The following ARSG variants were observed in gnomAD, a reference collection of about 807,000 sequenced individuals.
ARSG encodes the protein arylsulfatase G.
In ARSG, 37 loss-of-function variants were observed where a neutral mutation model predicts 50.5. The ratio of observed to expected loss-of-function variants is 0.73; its 90% confidence interval spans 0.56 to 0.96. The LOEUF is 0.96. Among genes scored for constraint, ARSG ranks in the 50% least tolerant of loss-of-function variants. The pLI is 0.00. For missense variants in ARSG, 629 were observed against 675.3 expected (o/e 0.93, Z 0.76); for synonymous variants, 225 against 254.6 (o/e 0.88, Z 1.11).
At chr17:68,332,021 A>G (rs7208967) in intron 2 of ARSG, among the ~76,000 whole-genome samples, 61,627 of 152,124 alleles carry the variant, frequency 0.41, 13,237 homozygotes, top group East Asian at 0.57. Flanking sequence ...TTATTAGGAG[A>G]CAGGGTTTGA....
intron 4 of ARSG, among the ~76,000 whole-genome samples, chr17:68,348,756 G>A (rs1380397176): frequency 6.6e-6 from 1 of 152,154 alleles, no homozygotes; most frequent in Non-Finnish European, 1.5e-5. Context: ...TTGGAGAAGA[G>A]ATAGAATGAA....
chr17:68,272,636 T>C (rs1555749342), intron 1 of ARSG: 2 of 1,613,898 alleles, frequency 1.2e-6, no homozygotes, highest in East Asian at 2.2e-5. Flanking sequence ...GTAGTCCACC[T>C]ACCTGGTGCG....
chr17:68,336,722 G>A (rs879258780), intron 2 of ARSG, among the ~76,000 whole-genome samples: 5 of 152,026 alleles, frequency 3.3e-5, no homozygotes, highest in Non-Finnish European at 5.9e-5. Flanking sequence ...GCATGGTGGC[G>A]TGCATCTATA....
upstream of ARSG, chr17:68,291,014 A>G (rs2075967105): frequency 1.3e-5 from 2 of 152,196 alleles, no homozygotes; most frequent in African/African-American, 4.8e-5. Flanking sequence ...AGGCCCCAAC[A>G]CATATTTTTT....
intron 1 of ARSG, among the ~76,000 whole-genome samples, chr17:68,283,295 C>T (rs187349949): frequency 1.3e-4 from 19 of 150,030 alleles, no homozygotes; most frequent in African/African-American, 4.2e-4. Flanking sequence ...CCGAGGCAGG[C>T]GAATCACGAG....
chr17:68,440,828 A>G, the ARSG span: 18 of 152,358 alleles, frequency 1.2e-4, no homozygotes, highest in African/African-American at 3.8e-4. Flanking sequence ...ACTTTAGGTA[A>G]GTTAACAGTG....
intron 1 of ARSG, among the ~76,000 whole-genome samples, chr17:68,272,333 G>A (rs1485955241): frequency 6.6e-6 from 1 of 152,176 alleles, no homozygotes. Context: ...TTTGAAAAAC[G>A]AGAGGACATA....
intron 9 of ARSG, among the ~76,000 whole-genome samples, chr17:68,389,022 G>A (rs2080866881): frequency 6.6e-6 from 1 of 152,212 alleles, no homozygotes; most frequent in Admixed American, 6.5e-5. Flanking sequence ...AGACAGTCAG[G>A]TGTGTGGAAG....
At chr17:68,314,392 G>A (rs1289317511) in intron 2 of ARSG, among the ~76,000 whole-genome samples, 3 of 152,024 alleles carry the variant, frequency 2.0e-5, no homozygotes, top group South Asian at 2.1e-4. Flanking sequence ...CAGGCGTGGC[G>A]GCACATGCTT....
At chr17:68,432,263 C>T in the ARSG span, among the ~76,000 whole-genome samples, 1 of 152,264 alleles carries the variant, frequency 6.6e-6, no homozygotes, top group Admixed American at 6.5e-5. Context: ...AGTCCCATGG[C>T]TGTGATATGT....
chr17:68,406,145 G>C (rs146055515), intron 11 of ARSG, among the ~76,000 whole-genome samples: 115 of 152,192 alleles, frequency 7.6e-4, no homozygotes, highest in African/African-American at 2.6e-3. Context: ...TACGATGTTT[G>C]GTTTTTCATT....
At chr17:68,331,003 G>T (rs533342386) in intron 2 of ARSG, among the ~76,000 whole-genome samples, 1 of 147,368 alleles carries the variant, frequency 6.8e-6, no homozygotes. Context: ...GTGGTGGGCG[G>T]GGACAGAGTG....
At chr17:68,298,624 A>G (rs1489376176) in intron 1 of ARSG, among the ~76,000 whole-genome samples, 2 of 151,080 alleles carry the variant, frequency 1.3e-5, no homozygotes, top group Non-Finnish European at 3.0e-5. Context: ...AAAGAGAAGA[A>G]CACTACTGTA....
At chr17:68,394,467 A>T (rs1029540625) in intron 9 of ARSG, among the ~76,000 whole-genome samples, 1 of 152,106 alleles carries the variant, frequency 6.6e-6, no homozygotes, top group Non-Finnish European at 1.5e-5. Flanking sequence ...ATAAATAAAA[A>T]TCAATAAAAC....
At chr17:68,299,857 TG>T (rs1225493689) in intron 1 of ARSG, among the ~76,000 whole-genome samples, 1 of 152,184 alleles carries the variant, frequency 6.6e-6, no homozygotes, top group Non-Finnish European at 1.5e-5. Context: ...GTTATGGAAT[TG>T]TAGTTATATA....
At chr17:68,440,238 A>G in the ARSG span, among the ~76,000 whole-genome samples, 1 of 152,204 alleles carries the variant, frequency 6.6e-6, no homozygotes, top group African/African-American at 2.4e-5. Flanking sequence ...GGTCCCCAGA[A>G]AAGCCTACTG....
At chr17:68,403,537 A>G (rs1000089183) in intron 11 of ARSG, among the ~76,000 whole-genome samples, 2 of 152,160 alleles carry the variant, frequency 1.3e-5, no homozygotes, top group African/African-American at 4.8e-5. Flanking sequence ...GTTACTTACA[A>G]CTGCTTTTGG....
the ARSG span, among the ~76,000 whole-genome samples, chr17:68,442,929 ATG>A: frequency 2.0e-4 from 31 of 152,280 alleles, no homozygotes; most frequent in African/African-American, 7.2e-4. Flanking sequence ...AGCACAAAGA[ATG>A]TCTGCAATAG....
rs2080257876 is a variant in ARSG at position 68,378,361 on chromosome 17, C to T, written c.983-6703C>T. Among the ~76,000 whole-genome samples, 1 of 152,258 alleles carries T rather than the reference C, an allele frequency of 6.6e-6. No individual in the cohort carries two copies. On this transcript the variant is annotated intron_variant, in intron 8 of 11. Transcript: ENST00000621439. This position sits in a 1 kb window ranked among gnomAD's most constrained non-coding sequence, Gnocchi z 4.4. ...GCTGTCTTCCCCTGTTCTCAGGGCCCCCAGGCCCCCCTGCTTGTCTTCCCT... is the reference window on the plus strand; with the variant it reads ...GCTGTCTTCCCCTGTTCTCAGGGCCTCCAGGCCCCCCTGCTTGTCTTCCCT...
Sources: gnomAD v4.1 joint callset for allele counts (sites outside exome capture counted in the v4.1 genomes callset) on GRCh38, gnomAD v4.1.1 for gene constraint, Gnocchi (gnomAD v3.1) non-coding constraint, MANE v1.5 for transcripts, NCBI Gene and HGNC (gene_info 2026-07-23, HGNC 2026-07-21) for gene names.